Variants in LRRC7 observed in about 807,000 individuals in gnomAD.
The protein encoded by LRRC7 is leucine rich repeat containing 7, also known as leucine-rich repeat-containing protein 7.
In LRRC7, 23 loss-of-function variants were observed where a neutral mutation model predicts 175.7. The ratio of observed to expected loss-of-function variants is 0.13; its 90% CI spans 0.09 to 0.19. The LOEUF is 0.19. Ranked by LOEUF, LRRC7 falls within the 10% of genes least tolerant of loss-of-function variation. The pLI, the probability that LRRC7 is intolerant of heterozygous loss-of-function variation, is 1.00. For missense variants in LRRC7, 1,354 were observed against 1,904.7 expected (o/e 0.71, Z 5.38); for synonymous variants, 685 against 680.9 (o/e 1.01, Z -0.09).
At chr1:69,963,540 C>T (rs78961376) in intron 8 of LRRC7, among the ~76,000 whole-genome samples, 9,368 of 152,088 alleles carry the variant, frequency 0.062, 283 homozygotes, top group South Asian at 0.11. Flanking sequence ...GGGAAGACTG[C>T]TTCAAGCAGG....
intron 1 of LRRC7, among the ~76,000 whole-genome samples, chr1:69,632,268 T>G (rs1015759019): frequency 6.6e-6 from 1 of 152,090 alleles, no homozygotes; most frequent in Non-Finnish European, 1.5e-5. Context: ...TACTTCACAT[T>G]GTAGCTTCCA....
rs1413797915 is a variant in LRRC7, at chr1:70,024,361, C to G, written c.1794+987C>G. The stretch of plus-strand genomic sequence containing the variant: ...AATTCAAGATATCATTTCTAAATGC[C>G]CTAGCTATTAACCTTAAGTGATTCT... On this transcript the variant is annotated intron_variant, in intron 17 of 26. Coordinates refer to ENST00000651989, the MANE Select transcript of LRRC7 (RefSeq NM_001370785.2). Among the ~76,000 whole-genome samples, 4 of 151,068 alleles carry G rather than the reference C, an allele frequency of 2.6e-5. No homozygotes were observed. In the East Asian group the frequency reaches 7.7e-4, roughly 29 times the overall value.
At chr1:69,613,086 C>G (rs891762681) in intron 1 of LRRC7, among the ~76,000 whole-genome samples, 12 of 152,164 alleles carry the variant, frequency 7.9e-5, no homozygotes, top group African/African-American at 2.9e-4. Flanking sequence ...ACTGTCTTAG[C>G]CAGTTTGGCC....
chr1:69,875,968 T>C (rs1305447843), intron 7 of LRRC7, among the ~76,000 whole-genome samples: 2 of 152,076 alleles, frequency 1.3e-5, no homozygotes, highest in Non-Finnish European at 2.9e-5. Flanking sequence ...CATACAACCC[T>C]TTCCTTCTTC....
intron 4 of LRRC7, among the ~76,000 whole-genome samples, chr1:69,798,063 AG>A (rs1676008815): frequency 1.3e-5 from 2 of 152,070 alleles, no homozygotes; most frequent in South Asian, 4.2e-4. Context: ...CTGGGATTAC[AG>A]GCGCCTGTCA....
At chr1:70,103,104 C>T (rs1216256891) in intron 25 of LRRC7, among the ~76,000 whole-genome samples, 1 of 152,158 alleles carries the variant, frequency 6.6e-6, no homozygotes, top group Admixed American at 6.5e-5. Context: ...TAGCACATGC[C>T]TGTAGTCACA....
intron 23 of LRRC7, among the ~76,000 whole-genome samples, chr1:70,061,353 C>T (rs1374718536): frequency 3.3e-5 from 5 of 152,064 alleles, no homozygotes; most frequent in Non-Finnish European, 7.3e-5. Flanking sequence ...CTCTGTTTCC[C>T]TCATCTTGTT....
intron 3 of LRRC7, among the ~76,000 whole-genome samples, chr1:69,776,307 C>T (rs71651430): frequency 0.03 from 4,530 of 152,058 alleles, 73 homozygotes; most frequent in African/African-American, 0.043. Flanking sequence ...CAACAAATGA[C>T]GGTAATTGCT....
At position 70,142,180 on chromosome 1, in the gene LRRC7, A is replaced by AT. The variant is rs1192067686; in HGVS notation, c.*20297dup. 6.6e-6 allele frequency: 1 copy of AT among 152,064 alleles called. No individual in the cohort carries two copies. The highest frequency in any genetic ancestry group is 2.4e-5 in the African/African-American group (1 of 41,434). 9.4% of individuals were successfully genotyped at this position (152,064 alleles called of 1,614,324 possible). A position where few individuals can be genotyped will look rare whatever the true frequency, so the allele number is the denominator to read the frequency against. On this transcript the variant is annotated 3_prime_UTR_variant, in exon 27 of 27. Transcript: ENST00000651989. ...AGAATATATTGTTGAAATAATTTTTATTTTCAATACTTGTAGTCTTTCCAC... is the reference window on the plus strand; with the variant it reads ...AGAATATATTGTTGAAATAATTTTTATTTTTCAATACTTGTAGTCTTTCCAC...
chr1:69,894,948 C>CG (rs1228898431), intron 7 of LRRC7, among the ~76,000 whole-genome samples: 2 of 152,176 alleles, frequency 1.3e-5, no homozygotes, highest in Middle Eastern at 3.4e-3. Context: ...AAATTTAGGC[C>CG]GGGGGGCGTG....
intron 7 of LRRC7, among the ~76,000 whole-genome samples, chr1:69,914,231 G>A (rs896689091): frequency 6.6e-6 from 1 of 152,144 alleles, no homozygotes; most frequent in African/African-American, 2.4e-5. Context: ...TGCTGCACTG[G>A]AAATTTATGG....
intron 3 of LRRC7, among the ~76,000 whole-genome samples, chr1:69,790,129 A>G (rs191695096): frequency 2.6e-4 from 39 of 152,144 alleles, no homozygotes; most frequent in African/African-American, 8.4e-4. Context: ...ATTAACTCAA[A>G]TAACACTCTC....
intron 2 of LRRC7, among the ~76,000 whole-genome samples, chr1:69,750,971 A>T (rs959086140): frequency 1.3e-5 from 2 of 152,136 alleles, no homozygotes; most frequent in African/African-American, 4.8e-5. Flanking sequence ...TGGGATTATG[A>T]TCTCCTCTCA....
At position 70,142,158 on chromosome 1, in the gene LRRC7, A is replaced by C. The variant is rs961395269; in HGVS notation, c.*20271A>C. Reference sequence around the variant, plus strand: ...GCTAGAAAGGTCATTAATTTTCAGAATATATTGTTGAAATAATTTTTATTT... The same window carrying C: ...GCTAGAAAGGTCATTAATTTTCAGACTATATTGTTGAAATAATTTTTATTT... On this transcript the variant is annotated 3_prime_UTR_variant, in exon 27 of 27. Coordinates refer to ENST00000651989, the MANE Select transcript of LRRC7 (RefSeq NM_001370785.2). 3.9e-5 allele frequency: 6 copies of C among 152,122 alleles called. No individual in the cohort carries two copies. Among genetic ancestry groups the C allele is most frequent in the Non-Finnish European group, 8.8e-5 (6 of 67,986 alleles). 9.4% of individuals were successfully genotyped at this position (152,122 alleles called of 1,614,324 possible).
chr1:70,013,803 T>C (rs546236887), intron 13 of LRRC7, among the ~76,000 whole-genome samples: 1 of 152,164 alleles, frequency 6.6e-6, no homozygotes, highest in African/African-American at 2.4e-5. Context: ...CTCTATGTTT[T>C]CAATAAGTTT....
Position 70,134,528 on chromosome 1 carries a change from C to A in LRRC7, c.*12641C>A, listed in dbSNP as rs972777450. ...GGTGTTCCCCTGCCAACCATTTAATCTTTTTTTCTTCCAACCCGGAGCAAA... is the reference window on the plus strand; with the variant it reads ...GGTGTTCCCCTGCCAACCATTTAATATTTTTTTCTTCCAACCCGGAGCAAA... On this transcript the variant is annotated 3_prime_UTR_variant, in exon 27 of 27. Coordinates refer to ENST00000651989, the MANE Select transcript of LRRC7 (RefSeq NM_001370785.2). 1.3e-5 allele frequency among the ~76,000 whole-genome samples: 2 copies of A among 152,162 alleles called. No homozygotes were observed. Among genetic ancestry groups the A allele is most frequent in the Non-Finnish European group, 2.9e-5 (2 of 68,026 alleles).
intron 7 of LRRC7, among the ~76,000 whole-genome samples, chr1:69,863,160 A>T (rs1684543132): frequency 6.6e-6 from 1 of 152,100 alleles, no homozygotes. Flanking sequence ...TATTTCGCTT[A>T]TTCATTTCCT....
intron 8 of LRRC7, among the ~76,000 whole-genome samples, chr1:69,975,993 T>C (rs1227057810): frequency 6.6e-6 from 1 of 152,128 alleles, no homozygotes; most frequent in Non-Finnish European, 1.5e-5. Flanking sequence ...GTTTTTTTTA[T>C]AGCCCCTTAA....
intron 2 of LRRC7, among the ~76,000 whole-genome samples, chr1:69,740,158 GC>G (rs1668552844): frequency 1.3e-5 from 2 of 152,104 alleles, no homozygotes; most frequent in Non-Finnish European, 2.9e-5. Context: ...TTCCAAGGCT[GC>G]CATAAGAAAA....
Sources: gnomAD v4.1 joint callset for allele counts (sites outside exome capture counted in the v4.1 genomes callset) on GRCh38, gnomAD v4.1.1 for gene constraint, MANE v1.5 for transcripts, NCBI Gene and HGNC (gene_info 2026-07-23, HGNC 2026-07-21) for gene names.